DENND4B: variants seen among roughly 807,000 people sequenced by gnomAD.
The protein encoded by DENND4B is DENN domain-containing protein 4B.
DENND4B carries 67 observed loss-of-function variants against 161.0 expected under a neutral mutation model. The ratio of observed to expected loss-of-function variants is 0.42; its 90% confidence interval spans 0.34 to 0.51. The LOEUF is 0.51. DENND4B is among the 20% of genes least tolerant of loss of function. The pLI is 0.08. For synonymous variants in DENND4B, 753 were observed against 813.8 expected, an observed-to-expected ratio of 0.93 and a Z score of 1.27; for missense variants, 1,481 against 1,968.0, an observed-to-expected ratio of 0.75 and a Z score of 4.68.
chr1:153,945,529 G>A (rs1368196229), intron 1 of DENND4B, among the ~76,000 whole-genome samples: 5 of 151,200 alleles, frequency 3.3e-5, no homozygotes, highest in Non-Finnish European at 2.9e-5. Context: ...AGCCAGGCTG[G>A]CTTTCTTCAT....
Position 153,939,572 on chromosome 1 carries a change from AGACAG to A in DENND4B, c.1819+12_1819+16del. On this transcript the variant is annotated intron_variant, in intron 12 of 27. Coordinates refer to ENST00000361217, the MANE Select transcript of DENND4B (RefSeq NM_014856.3). ...CCTCCCATGATACATCTCCAAGCAG[AGACAG>A]GCCCTCTATACCCTGCAGGAAGAAA... 2 of 1,586,536 alleles carry A rather than the reference AGACAG, an allele frequency of 1.3e-6. No homozygotes were observed. The highest frequency in any genetic ancestry group is 4.5e-5 in the East Asian group (2 of 44,286).
chr1:153,936,136 A>G lies in DENND4B; in HGVS notation c.2492T>C (p.Leu831Pro). ...QLCSHYGQPV[L>P]SVRVMLEMRQ... is the part of the protein sequence containing the mutation. ...CATCTCCAGCATGACCCGCACAGAC[A>G]GCACAGGCTGCCCATAGTGTGAGCA... The change falls in exon 17 of 28, where the codon CTG (leucine) becomes CCG (proline). Residue 831 changes from leucine to proline, a missense_variant. This residue lies in a region of DENND4B where 806 missense variants were observed against 1,134.4 expected (regional missense o/e 0.71). Coordinates refer to ENST00000361217, the MANE Select transcript of DENND4B (RefSeq NM_014856.3). This position sits in a 1 kb window ranked among gnomAD's most constrained non-coding sequence, Gnocchi z 4.1. The G allele has an allele frequency of 6.2e-7, 1 of 1,611,264 alleles. No individual in the cohort carries two copies. The highest frequency in any genetic ancestry group is 8.5e-7 in the Non-Finnish European group (1 of 1,178,824).
In DENND4B at chr1:153,933,371, G is replaced by A. The variant is rs555240601; in HGVS notation, c.3331-52C>T. On this transcript the variant is annotated intron_variant, in intron 20 of 27. Transcript: ENST00000361217. This position sits in a 1 kb window ranked among gnomAD's most constrained non-coding sequence, Gnocchi z 5.7. ...AGCCAACCCCATGCTCTTCCACCCA[G>A]GATATGTGTTTCAAGCACCCCTCAG... The A allele has an allele frequency of 1.8e-4, 284 of 1,612,352 alleles. 2 individuals carry two copies. The South Asian group carries it at 3.0e-3, about 17-fold the overall frequency.
In DENND4B at chr1:153,946,260, C is replaced by A. The variant is rs933453762; in HGVS notation, c.-24+41G>T. On this transcript the variant is annotated intron_variant, in intron 1 of 27. Coordinates refer to ENST00000361217, the MANE Select transcript of DENND4B (RefSeq NM_014856.3). The surrounding 1 kb of genome is among the most constrained non-coding windows in gnomAD (Gnocchi z 6.3). ...CCTGCCGCCCGCGCTCCCTCCTGCC[C>A]GTCCCCGCCTGCCGCCCAGCCCGGT... 5 of 338,776 alleles carry A rather than the reference C, an allele frequency of 1.5e-5. No individual in the cohort carries two copies. Among genetic ancestry groups the A allele is most frequent in the East Asian group, 1.4e-4 (3 of 22,144 alleles). 21.0% of individuals were successfully genotyped at this position (338,776 alleles called of 1,614,324 possible). A position where few individuals can be genotyped will look rare whatever the true frequency, so the allele number is the denominator to read the frequency against.
rs2101996384 is a variant in DENND4B at position 153,930,963 on chromosome 1, C to T, written c.4098G>A (p.Val1366=). ...PDPNSCPPLY[V]LWRVHSQIPQ... ...CAGACTCACTGTGGACCCTCCAGAG[C>T]ACATAGAGAGGTGGGCAGCTATTGG... The change falls in exon 25 of 28, where the codon GTG becomes GTA. Residue 1366 remains valine, a synonymous_variant. Transcript: ENST00000361217. The surrounding 1 kb of genome is among the most constrained non-coding windows in gnomAD (Gnocchi z 4.7). 2 of 1,612,298 alleles carry T rather than the reference C, an allele frequency of 1.2e-6. No homozygotes were observed. The highest frequency in any genetic ancestry group is 1.7e-6 in the Non-Finnish European group (2 of 1,179,290).
At position 153,940,880 on chromosome 1, in the gene DENND4B, T is replaced by C. The variant is rs946512971; in HGVS notation, c.1326+24A>G. The C allele has an allele frequency of 4.5e-6, 7 of 1,544,278 alleles. No homozygotes were observed. The African/African-American group carries it at 8.4e-5, about 18-fold the overall frequency. On this transcript the variant is annotated intron_variant, in intron 9 of 27. Coordinates refer to ENST00000361217, the MANE Select transcript of DENND4B (RefSeq NM_014856.3). The surrounding 1 kb of genome is among the most constrained non-coding windows in gnomAD (Gnocchi z 5.6). Reference sequence around the variant, plus strand: ...GAAAGAACCATGGTTCTGGGGAAGATGGGCCAGGCGGGGCGGCACTCACCG... The same window carrying C: ...GAAAGAACCATGGTTCTGGGGAAGACGGGCCAGGCGGGGCGGCACTCACCG...
In DENND4B at chr1:153,940,574, G is replaced by A. The variant is rs751465515; in HGVS notation, c.1359C>T (p.Tyr453=). Residue 453 remains tyrosine, a synonymous_variant, in exon 10 of 28, where the codon TAC becomes TAT. Coordinates refer to ENST00000361217, the MANE Select transcript of DENND4B (RefSeq NM_014856.3). This position sits in a 1 kb window ranked among gnomAD's most constrained non-coding sequence, Gnocchi z 5.6. The part of the protein sequence containing the change: ...MIFPLHWQCP[Y]IPLCPLVLAD... Reference sequence around the variant, plus strand: ...CCAGCACCAGCGGGCACAGAGGAATGTAGGGGCACTGCCAGTGCAGTGGGA... The same window carrying A: ...CCAGCACCAGCGGGCACAGAGGAATATAGGGGCACTGCCAGTGCAGTGGGA... 6.2e-7 allele frequency: 1 copy of A among 1,613,452 alleles called. No homozygotes were observed. The highest frequency in any genetic ancestry group is 8.5e-7 in the Non-Finnish European group (1 of 1,179,666).
intron 13 of DENND4B, among the ~76,000 whole-genome samples, chr1:153,938,468 C>T (rs1383646627): frequency 6.7e-6 from 1 of 148,706 alleles, no homozygotes; most frequent in Non-Finnish European, 1.5e-5. Flanking sequence ...CTTGGGAGGC[C>T]GAGGCAGGTG....
In DENND4B at chr1:153,946,710, C is replaced by T. The variant is rs1557861749; in HGVS notation, c.-433G>A. The T allele has an allele frequency of 8.0e-6, 3 of 375,954 alleles. No individual in the cohort carries two copies. The highest frequency in any genetic ancestry group is 1.4e-5 in the Non-Finnish European group (3 of 211,868). The allele number at this position is 375,954 out of a possible 1,614,324, so 23.3% of individuals were successfully genotyped here. A position where few individuals can be genotyped will look rare whatever the true frequency, so the allele number is the denominator to read the frequency against. ...CCTCGGCCGGCGGCCGTGACCCTGG[C>T]AAGCGTCTGCCCAAAGCCCAGCCGC... On this transcript the variant is annotated 5_prime_UTR_variant, in exon 1 of 28. Coordinates refer to ENST00000361217, the MANE Select transcript of DENND4B (RefSeq NM_014856.3). The surrounding 1 kb of genome is among the most constrained non-coding windows in gnomAD (Gnocchi z 6.3).
chr1:153,940,328 C>A lies in DENND4B; in HGVS notation c.1503-72G>T. ...GGTGACGGGGTTCCTTGCCAGCCTCCCTCACTTTGTGCCTGAAGCTCTTTT... is the reference window on the plus strand; with the variant it reads ...GGTGACGGGGTTCCTTGCCAGCCTCACTCACTTTGTGCCTGAAGCTCTTTT... On this transcript the variant is annotated intron_variant, in intron 10 of 27. Transcript: ENST00000361217. The surrounding 1 kb of genome is among the most constrained non-coding windows in gnomAD (Gnocchi z 5.6). 6.4e-7 allele frequency: 1 copy of A among 1,561,844 alleles called. No homozygotes were observed. The highest frequency in any genetic ancestry group is 8.7e-7 in the Non-Finnish European group (1 of 1,150,226).
rs762923706 is a variant in DENND4B, at chr1:153,944,151, T to A, written c.224A>T (p.His75Leu). 4 of 1,612,032 alleles carry A rather than the reference T, an allele frequency of 2.5e-6. No individual in the cohort carries two copies. The African/African-American group carries it at 5.4e-5, about 22-fold the overall frequency. The part of the protein sequence containing the change: ...YTCIQASAGG[H>L]PLELSAGLLG... ...AAGTCCAGCACTGAGTTCCAAGGGG[T>A]GGCCCCCAGCAGAAGCCTGGATGCA... Residue 75 changes from histidine to leucine, a missense_variant, in exon 2 of 28, where the codon CAC becomes CTC. This residue lies in a region of DENND4B where 806 missense variants were observed against 1,134.4 expected (regional missense o/e 0.71). Transcript: ENST00000361217. The surrounding 1 kb of genome is among the most constrained non-coding windows in gnomAD (Gnocchi z 4.8).
chr1:153,930,901 G>T lies in DENND4B; in HGVS notation c.4115-44C>A. The stretch of plus-strand genomic sequence containing the variant: ...GGCCACCAGAATCACTGAGCCCTCT[G>T]GGTATGGGACCCACCCTCCCCACCC... On this transcript the variant is annotated intron_variant, in intron 25 of 27. Transcript: ENST00000361217. The surrounding 1 kb of genome is among the most constrained non-coding windows in gnomAD (Gnocchi z 4.7). The T allele has an allele frequency of 6.3e-7, 1 of 1,596,514 alleles. No homozygotes were observed. Among genetic ancestry groups the T allele is most frequent in the African/African-American group, 1.3e-5 (1 of 74,712 alleles).
rs1453995448 is a variant in DENND4B at position 153,934,184 on chromosome 1, C to T, written c.2892G>A (p.Leu964=). The T allele has an allele frequency of 1.0e-5, 16 of 1,601,356 alleles. No individual in the cohort carries two copies. The highest frequency in any genetic ancestry group is 1.4e-5 in the Non-Finnish European group (16 of 1,176,136). ...TGGGCTGTGCCCCTCGGGCACTGCC[C>T]AGGCTACCACTCTTCACCAGGCGTC... The part of the protein sequence containing the change: ...PPGRLVKSGS[L]GSARGAQPTV... The change falls in exon 19 of 28, where the codon CTG becomes CTA. Residue 964 remains leucine (L), a synonymous_variant. Transcript: ENST00000361217. The surrounding 1 kb of genome is among the most constrained non-coding windows in gnomAD (Gnocchi z 5.3).
intron 17 of DENND4B, among the ~76,000 whole-genome samples, chr1:153,935,665 T>C (rs935648154): frequency 1.3e-5 from 2 of 152,230 alleles, no homozygotes; most frequent in African/African-American, 4.8e-5. Context: ...ATATTCTCAC[T>C]CCTTAACTTC....
At position 153,938,999 on chromosome 1, in the gene DENND4B, C is replaced by T; in HGVS notation, c.1866G>A (p.Gln622=). ...RERSSHKLYS[Q]LLHTQMFSQF... The stretch of plus-strand genomic sequence containing the variant: ...GTGAGAACATCTGTGTGTGCAGCAG[C>T]TGAGAGTAAAGTTTGTGGCTGGAGC... Residue 622 remains glutamine, a synonymous_variant, in exon 13 of 28, where the codon CAG becomes CAA. Transcript: ENST00000361217. The T allele has an allele frequency of 6.2e-7, 1 of 1,612,508 alleles. No individual in the cohort carries two copies. The highest frequency in any genetic ancestry group is 8.5e-7 in the Non-Finnish European group (1 of 1,179,322).
intron 13 of DENND4B, among the ~76,000 whole-genome samples, chr1:153,938,119 GCC>G (rs1461628592): frequency 6.6e-6 from 1 of 152,214 alleles, no homozygotes; most frequent in African/African-American, 2.4e-5. Context: ...GTTTACAATG[GCC>G]CTGGGGGCCA....
rs747842790 is a variant in DENND4B at position 153,944,070 on chromosome 1, A to AG, written c.304dup (p.Leu102ProfsTer3). 9.6e-6 allele frequency: 15 copies of AG among 1,570,650 alleles called. No individual in the cohort carries two copies. Among genetic ancestry groups the AG allele is most frequent in the South Asian group, 1.2e-5 (1 of 85,396 alleles). The stretch of plus-strand genomic sequence containing the variant: ...TAGGGGCACACACCCCAGCTCAACG[A>AG]GGGGGGGCTTGTCACGGCCCCTGCG... On this transcript the variant is annotated frameshift_variant, in exon 2 of 28. Coordinates refer to ENST00000361217, the MANE Select transcript of DENND4B (RefSeq NM_014856.3). LOFTEE classifies it high-confidence loss of function. This position sits in a 1 kb window ranked among gnomAD's most constrained non-coding sequence, Gnocchi z 4.8.
In DENND4B at chr1:153,930,023, C is replaced by A; in HGVS notation, c.*274G>T. On this transcript the variant is annotated 3_prime_UTR_variant, in exon 28 of 28. Coordinates refer to ENST00000361217, the MANE Select transcript of DENND4B (RefSeq NM_014856.3). This position sits in a 1 kb window ranked among gnomAD's most constrained non-coding sequence, Gnocchi z 4.7. ...TCTGTGGGTACCCTGGAGGGGAGTT[C>A]CCGGTATAGGACAAGGGAAGAACAG... 1 of 459,092 alleles carries A rather than the reference C, an allele frequency of 2.2e-6. No individual in the cohort carries two copies. Among genetic ancestry groups the A allele is most frequent in the Non-Finnish European group, 3.9e-6 (1 of 256,516 alleles). The allele number at this position is 459,092 out of a possible 1,614,324, so 28.4% of individuals were successfully genotyped here. A position where few individuals can be genotyped will look rare whatever the true frequency, so the allele number is the denominator to read the frequency against.
intron 1 of DENND4B, among the ~76,000 whole-genome samples, chr1:153,945,687 C>A (rs1679921241): frequency 6.6e-6 from 1 of 152,240 alleles, no homozygotes; most frequent in Admixed American, 6.5e-5. Flanking sequence ...TTCTGGGGCA[C>A]AGACCTGTCC....
Sources: allele counts gnomAD v4.1 joint callset (sites outside exome capture counted in the v4.1 genomes callset), GRCh38; gene constraint gnomAD v4.1.1; regional missense constraint gnomAD v4.1.1; non-coding constraint Gnocchi (gnomAD v3.1); transcripts MANE v1.5; gene names NCBI Gene and HGNC (gene_info 2026-07-23, HGNC 2026-07-21).